Variants in RPS6KA3 observed in about 807,000 individuals in gnomAD.
RPS6KA3 encodes ribosomal protein S6 kinase A3.
Under a neutral mutation model 67.2 loss-of-function variants are expected in RPS6KA3, and 4 were observed. That is an observed-to-expected ratio of 0.06 (90% CI 0.03 to 0.14). The LOEUF (loss-of-function observed/expected upper bound fraction) is 0.14. Among genes scored for constraint, RPS6KA3 ranks in the 10% least tolerant of loss-of-function variants. RPS6KA3 has a pLI of 1.00. For missense variants in RPS6KA3, 204 were observed against 559.0 expected, an observed-to-expected ratio of 0.36 and a Z score of 6.40; for synonymous variants, 182 against 183.7, an observed-to-expected ratio of 0.99 and a Z score of 0.07.
intron 1 of RPS6KA3, among the ~76,000 whole-genome samples, chrX:20,255,789 C>CAAAA (rs766544803): frequency 5.8e-4 from 10 of 17,151 alleles, no homozygotes; most frequent in African/African-American, 3.0e-3. Flanking sequence ...AATTTCGTCT[C>CAAAA]AAAAAAAAAA....
At chrX:20,200,831 C>T (rs926803559) in intron 4 of RPS6KA3, among the ~76,000 whole-genome samples, 1 of 110,724 alleles carries the variant, frequency 9.0e-6, no homozygotes, top group Non-Finnish European at 1.9e-5. Context: ...GACAGGCACA[C>T]GCCACCAGGC....
chrX:20,232,234 TTCTAACCAAA>T (rs1281357686), intron 2 of RPS6KA3, among the ~76,000 whole-genome samples: 7 of 105,850 alleles, frequency 6.6e-5, no homozygotes, highest in African/African-American at 2.4e-4. Context: ...GGGAAGGATT[TTCTAACCAAA>T]GCATGAAACC....
At chrX:20,185,744 T>C (rs1603424656) in intron 10 of RPS6KA3, among the ~76,000 whole-genome samples, 1 of 111,759 alleles carries the variant, frequency 8.9e-6, no homozygotes, top group Admixed American at 9.6e-5. Flanking sequence ...AGAAGTGAAA[T>C]AATGGGCATC....
intron 10 of RPS6KA3, 100 bp from the exon 11 acceptor site, chrX:20,177,184 A>C: frequency 1.7e-6 from 1 of 584,380 alleles, no homozygotes; most frequent in African/African-American, 2.3e-5. Flanking sequence ...TTGTAGATTC[A>C]CACTCAGTTG....
chrX:20,164,458 G>A (rs1473166533), intron 18 of RPS6KA3, among the ~76,000 whole-genome samples: 2 of 105,751 alleles, frequency 1.9e-5, no homozygotes, highest in Non-Finnish European at 3.9e-5. Flanking sequence ...GTGATCTTGG[G>A]TCACTGCAAC....
chrX:20,178,127 A>G (rs907586371), intron 10 of RPS6KA3, among the ~76,000 whole-genome samples: 1 of 112,027 alleles, frequency 8.9e-6, no homozygotes, highest in African/African-American at 3.2e-5. Context: ...AAGAGAGCCC[A>G]TGAAACTCAT....
chrX:20,191,618 C>T (rs776087724), intron 7 of RPS6KA3, among the ~76,000 whole-genome samples: 54 of 105,653 alleles, frequency 5.1e-4, no homozygotes, highest in Non-Finnish European at 7.7e-4. Flanking sequence ...TCTCTAATGA[C>T]CAGGGATGAT....
At chrX:20,239,022 A>T (rs1253429190) in intron 1 of RPS6KA3, among the ~76,000 whole-genome samples, 1 of 111,561 alleles carries the variant, frequency 9.0e-6, no homozygotes, top group African/African-American at 3.2e-5. Flanking sequence ...AAACAAGAAA[A>T]TATATTTCTC....
At chrX:20,195,783 C>T (rs911831508) in intron 4 of RPS6KA3, among the ~76,000 whole-genome samples, 14 of 111,731 alleles carry the variant, frequency 1.3e-4, no homozygotes, top group Non-Finnish European at 1.9e-4. Context: ...TGTACAATCA[C>T]GAGCAAGATA....
At position 20,266,643 on chromosome X, in the gene RPS6KA3, G is replaced by T. The variant is rs1273791066; in HGVS notation, c.-11C>A. The T allele has an allele frequency of 8.9e-6, 10 of 1,127,442 alleles. No homozygotes were observed. Among genetic ancestry groups the T allele is most frequent in the Non-Finnish European group, 1.2e-5 (10 of 855,374 alleles). The allele number at this position is 1,127,442 out of a possible 1,213,427, so 92.9% of individuals were successfully genotyped here. ...CTGCGCCAGCGGCATCTTCCCCCCCGGCCCGCCGCCTTCACCGCCTCCTCC... is the reference window on the plus strand; with the variant it reads ...CTGCGCCAGCGGCATCTTCCCCCCCTGCCCGCCGCCTTCACCGCCTCCTCC... On this transcript the variant is annotated 5_prime_UTR_variant, in exon 1 of 22. Transcript: ENST00000379565.
intron 13 of RPS6KA3, among the ~76,000 whole-genome samples, chrX:20,175,613 TCTTTAA>T (rs778488833): frequency 4.0e-4 from 45 of 112,317 alleles, no homozygotes; most frequent in Admixed American, 1.9e-4. Context: ...ATGGAAATTT[TCTTTAA>T]CTTTACAGTC....
intron 10 of RPS6KA3, among the ~76,000 whole-genome samples, chrX:20,180,404 A>G (rs1028762426): frequency 4.5e-5 from 5 of 112,043 alleles, no homozygotes; most frequent in African/African-American, 1.6e-4. Flanking sequence ...ATAAAAAAAA[A>G]TTTCCATACT....
intron 2 of RPS6KA3, among the ~76,000 whole-genome samples, chrX:20,214,188 C>G (rs1241610002): frequency 9.0e-6 from 1 of 111,345 alleles, no homozygotes; most frequent in Non-Finnish European, 1.9e-5. Context: ...ACCCTCCCAT[C>G]GGGATTGGTG....
rs1569182762 is a variant in RPS6KA3, at chrX:20,153,702, C to T, written c.*1696G>A. ...TGGTGTGATCTTGGCTCACTGCAAC[C>T]ACCACCTCCCAGGTTCAAGCGATTC... On this transcript the variant is annotated 3_prime_UTR_variant, in exon 22 of 22. Transcript: ENST00000379565. 3 of 109,776 alleles carry T rather than the reference C, an allele frequency of 2.7e-5. No individual in the cohort carries two copies. 9.0% of individuals were successfully genotyped at this position (109,776 alleles called of 1,213,427 possible). A position where few individuals can be genotyped will look rare whatever the true frequency, so the allele number is the denominator to read the frequency against.
At chrX:20,193,669 T>C (rs1436137001) in intron 6 of RPS6KA3, 76 bp from the exon 7 acceptor site, 4 of 574,068 alleles carry the variant, frequency 7.0e-6, no homozygotes, top group Non-Finnish European at 8.3e-6. Flanking sequence ...CTCTAGAGTT[T>C]AAATATCCTA....
intron 1 of RPS6KA3, among the ~76,000 whole-genome samples, chrX:20,241,058 C>T (rs1286492612): frequency 9.0e-6 from 1 of 110,979 alleles, no homozygotes; most frequent in Non-Finnish European, 1.9e-5. Context: ...TTAAGGTGCC[C>T]TTATGCCTGC....
intron 2 of RPS6KA3, among the ~76,000 whole-genome samples, chrX:20,227,322 T>C (rs1876634053): frequency 8.9e-6 from 1 of 112,028 alleles, no homozygotes; most frequent in Non-Finnish European, 1.9e-5. Context: ...CCAAATCCCA[T>C]GTCTCTCTTA....
rs1022204755 is a variant in RPS6KA3 at position 20,156,259 on chromosome X, GAAT to G, written c.1960-13_1960-11del. ...TCTTTGACACCAGGTCCTGTAATGG[GAAT>G]AATAAAACAAGCTTAAACCTTTTGT... On this transcript the variant is annotated splice_polypyrimidine_tract_variant and intron_variant, in intron 20 of 21. Coordinates refer to ENST00000379565, the MANE Select transcript of RPS6KA3 (RefSeq NM_004586.3). 38 of 1,205,157 alleles carry G rather than the reference GAAT, an allele frequency of 3.2e-5. No homozygotes were observed. Among genetic ancestry groups the G allele is most frequent in the Non-Finnish European group, 3.6e-5 (32 of 891,286 alleles).
Position 20,176,501 on chromosome X carries a change from A to G in RPS6KA3, c.935-3T>C. 1.7e-6 allele frequency: 2 copies of G among 1,167,844 alleles called. No individual in the cohort carries two copies. The highest frequency in any genetic ancestry group is 2.3e-6 in the Non-Finnish European group (2 of 856,550). ...TTCAACTCCATCTGGTCCTGCACCT[A>G]TCAAAAATGGATTCACTGATAATTT... On this transcript the variant is annotated splice_region_variant and splice_polypyrimidine_tract_variant and intron_variant, in intron 11 of 21. Coordinates refer to ENST00000379565, the MANE Select transcript of RPS6KA3 (RefSeq NM_004586.3).
Sources: gnomAD v4.1 joint callset for allele counts (sites outside exome capture counted in the v4.1 genomes callset) on GRCh38, gnomAD v4.1.1 for gene constraint, MANE v1.5 for transcripts, NCBI Gene and HGNC (gene_info 2026-07-23, HGNC 2026-07-21) for gene names.